The following TFEC variants were observed in gnomAD, a reference collection of about 807,000 sequenced individuals.
TFEC encodes class E basic helix-loop-helix protein 34.
TFEC carries 31 observed loss-of-function variants against 41.6 expected under a neutral mutation model. The ratio of observed to expected loss-of-function variants is 0.74; its 90% CI spans 0.56 to 1.01. The LOEUF (loss-of-function observed/expected upper bound fraction) is 1.01, where lower values mean the gene tolerates loss of function less well. Ranked by LOEUF, TFEC falls within the 50% of genes least tolerant of loss-of-function variation. The pLI is 0.00. For synonymous variants in TFEC, 143 were observed against 140.6 expected (o/e 1.02, Z -0.12); for missense variants, 402 against 404.1 (o/e 0.99, Z 0.04).
chr7:116,016,342 G>C (rs924553258), intron 1 of TFEC, among the ~76,000 whole-genome samples: 1 of 152,104 alleles, frequency 6.6e-6, no homozygotes, highest in Admixed American at 6.6e-5. Flanking sequence ...CTCAGACTAG[G>C]CACCTTCTTC....
chr7:115,948,564 A>G (rs973925786), intron 6 of TFEC, among the ~76,000 whole-genome samples: 14 of 152,174 alleles, frequency 9.2e-5, no homozygotes, highest in African/African-American at 3.4e-4. Flanking sequence ...CAATAAATGT[A>G]ATCTGGCATA....
chr7:116,049,751 T>G (rs1335437573), intron 3 of TFEC, among the ~76,000 whole-genome samples: 1 of 152,186 alleles, frequency 6.6e-6, no homozygotes, highest in African/African-American at 2.4e-5. Context: ...TCGGCAAATG[T>G]GGAAGAACAG....
intron 3 of TFEC, among the ~76,000 whole-genome samples, chr7:115,971,025 C>G (rs1793110134): frequency 6.6e-6 from 1 of 151,944 alleles, no homozygotes; most frequent in African/African-American, 2.4e-5. Flanking sequence ...GGTAAATATT[C>G]TCATTTTTGA....
chr7:116,045,053 C>T (rs1245283970), intron 3 of TFEC, among the ~76,000 whole-genome samples: 6 of 152,132 alleles, frequency 3.9e-5, no homozygotes, highest in Non-Finnish European at 4.4e-5. Context: ...AAAAGATACC[C>T]GAAAATGTGG....
intron 1 of TFEC, among the ~76,000 whole-genome samples, chr7:116,000,661 C>T (rs936795393): frequency 6.6e-6 from 1 of 151,822 alleles, no homozygotes; most frequent in Non-Finnish European, 1.5e-5. Context: ...CAACAGTGAA[C>T]GATCTGAAAA....
At chr7:115,976,285 C>T (rs1189497076) in intron 2 of TFEC, among the ~76,000 whole-genome samples, 1 of 151,750 alleles carries the variant, frequency 6.6e-6, no homozygotes, top group Non-Finnish European at 1.5e-5. Context: ...ATTAGCCAGG[C>T]GTGGTGGTGT....
At chr7:116,069,886 T>C (rs536513504) in intron 3 of TFEC, among the ~76,000 whole-genome samples, 1 of 151,628 alleles carries the variant, frequency 6.6e-6, no homozygotes, top group African/African-American at 2.4e-5. Context: ...TGTCAAAATA[T>C]GTGACCAGTT....
chr7:116,004,587 A>C (rs1794717926), intron 1 of TFEC, among the ~76,000 whole-genome samples: 4 of 152,230 alleles, frequency 2.6e-5, no homozygotes, highest in Admixed American at 2.6e-4. Context: ...CCTTCTGCTC[A>C]ATTTTGCTAT....
intron 3 of TFEC, among the ~76,000 whole-genome samples, chr7:116,092,750 A>G (rs1359796589): frequency 3.9e-5 from 6 of 152,248 alleles, no homozygotes; most frequent in African/African-American, 1.4e-4. Context: ...GATGTTTATT[A>G]CTGCTCTCTT....
chr7:116,017,986 A>G (rs1241201252), intron 1 of TFEC, among the ~76,000 whole-genome samples: 1 of 83,300 alleles, frequency 1.2e-5, no homozygotes, highest in African/African-American at 3.9e-5. Flanking sequence ...GTGTTGGGCA[A>G]ATATTAGGTT....
upstream of TFEC, among the ~76,000 whole-genome samples, chr7:116,033,101 A>G (rs896971824): frequency 2.0e-5 from 3 of 151,092 alleles, no homozygotes; most frequent in African/African-American, 7.3e-5. Flanking sequence ...CACGTGACAA[A>G]GAAAAGGGCA....
chr7:116,018,281 C>T (rs1000620701), intron 1 of TFEC, among the ~76,000 whole-genome samples: 1 of 152,144 alleles, frequency 6.6e-6, no homozygotes, highest in African/African-American at 2.4e-5. Context: ...AGTCTGATTC[C>T]AGAGTTCATA....
chr7:115,987,662 T>C (rs1166461939), intron 1 of TFEC, among the ~76,000 whole-genome samples: 1 of 152,158 alleles, frequency 6.6e-6, no homozygotes, highest in Non-Finnish European at 1.5e-5. Flanking sequence ...GCAAGGACTG[T>C]ATTTATCTTG....
intron 6 of TFEC, among the ~76,000 whole-genome samples, chr7:115,943,115 T>A (rs541542013): frequency 6.6e-6 from 1 of 152,162 alleles, no homozygotes; most frequent in South Asian, 2.1e-4. Context: ...GGATAAGAGC[T>A]CTGTTCTACT....
chr7:115,967,012 A>G (rs1451460690), intron 3 of TFEC, among the ~76,000 whole-genome samples: 1 of 151,822 alleles, frequency 6.6e-6, no homozygotes, highest in Admixed American at 6.6e-5. Context: ...AAGGCATTAT[A>G]GTATGTATTT....
intron 1 of TFEC, among the ~76,000 whole-genome samples, chr7:116,153,288 T>C (rs541582744): frequency 6.6e-6 from 1 of 152,196 alleles, no homozygotes; most frequent in Admixed American, 6.5e-5. Context: ...CAGAGTCTCG[T>C]TCTGTTGCCC....
At chr7:116,068,775 T>C (rs563546419) in intron 3 of TFEC, among the ~76,000 whole-genome samples, 4 of 151,778 alleles carry the variant, frequency 2.6e-5, no homozygotes, top group Admixed American at 2.6e-4. Flanking sequence ...GAAAATCTAC[T>C]AGATACATCT....
Position 115,949,669 on chromosome 7 carries a change from C to A in TFEC, c.515+1205G>T, listed in dbSNP as rs555347343. Among the ~76,000 whole-genome samples, 781 of 151,984 alleles carry A rather than the reference C, an allele frequency of 5.1e-3. 2 individuals are homozygous for A. Among genetic ancestry groups the A allele is most frequent in the African/African-American group, 0.018 (735 of 41,474 alleles). ...CATATGGAGAAAGCTGAAACTGGATCCCTTCCTTACACCTTATACAAAAAT... is the reference window on the plus strand; with the variant it reads ...CATATGGAGAAAGCTGAAACTGGATACCTTCCTTACACCTTATACAAAAAT... On this transcript the variant is annotated intron_variant, in intron 6 of 7. Coordinates refer to ENST00000265440, the MANE Select transcript of TFEC (RefSeq NM_012252.4).
chr7:116,023,973 G>A (rs1795494002), intron 1 of TFEC, among the ~76,000 whole-genome samples: 1 of 151,992 alleles, frequency 6.6e-6, no homozygotes, highest in South Asian at 2.1e-4. Context: ...GTGGAGACCT[G>A]GCCTCTGTGA....
Sources: allele counts gnomAD v4.1 joint callset (sites outside exome capture counted in the v4.1 genomes callset), GRCh38; gene constraint gnomAD v4.1.1; transcripts MANE v1.5; gene names NCBI Gene and HGNC (gene_info 2026-07-23, HGNC 2026-07-21).